The following ARRDC1 variants were observed in gnomAD, a reference collection of about 807,000 sequenced individuals.
The protein encoded by ARRDC1 is arrestin domain-containing protein 1.
A neutral mutation model predicts 40.1 loss-of-function variants in ARRDC1; 37 were observed. The observed-to-expected ratio is 0.92, with a 90% CI of 0.71 to 1.21. The LOEUF is 1.21. Ranked by LOEUF, ARRDC1 falls within the 50% of genes most tolerant of loss-of-function variation. The probability of loss-of-function intolerance (pLI) is 0.00; values close to 1 mark genes in which losing one functional copy is unlikely to be tolerated. For missense variants in ARRDC1, 641 were observed against 581.9 expected (o/e 1.10, Z -1.04); for synonymous variants, 310 against 262.5 (o/e 1.18, Z -1.75).
intron 1 of ARRDC1, among the ~76,000 whole-genome samples, chr9:137,609,163 C>T (rs907975663): frequency 3.3e-5 from 5 of 152,164 alleles, no homozygotes; most frequent in Admixed American, 6.5e-5. Flanking sequence ...GCCAGAACCT[C>T]GTACTTGTCT....
At chr9:137,606,264 C>T (rs1006046552) in intron 1 of ARRDC1, among the ~76,000 whole-genome samples, 10 of 152,164 alleles carry the variant, frequency 6.6e-5, no homozygotes, top group Non-Finnish European at 1.2e-4. Flanking sequence ...CCTGCGCCCC[C>T]TGCCACCCGC....
At chr9:137,607,061 C>T (rs1283293936) in intron 1 of ARRDC1, among the ~76,000 whole-genome samples, 2 of 152,182 alleles carry the variant, frequency 1.3e-5, no homozygotes, top group African/African-American at 2.4e-5. Context: ...GGCAGCTGGC[C>T]CAAGAGCCGA....
Position 137,614,280 on chromosome 9 carries a change from C to A in ARRDC1, c.619-19C>A. ...TGGGCTGGCAGCCTGCGCAGGCTCA[C>A]AGGCTGGTCCTTCCCCAGAAAGTGT... is the stretch of plus-strand genomic sequence containing the variant. On this transcript the variant is annotated intron_variant, in intron 5 of 7. Transcript: ENST00000371421. 6.3e-7 allele frequency: 1 copy of A among 1,581,356 alleles called. No individual in the cohort carries two copies.
intron 1 of ARRDC1, among the ~76,000 whole-genome samples, chr9:137,610,879 T>G (rs1489131444): frequency 2.6e-5 from 4 of 151,986 alleles, no homozygotes; most frequent in Non-Finnish European, 4.4e-5. Context: ...GTATTTTTAG[T>G]AGAGATGGGG....
In ARRDC1 at chr9:137,612,954, G is replaced by A. The variant is rs758727145; in HGVS notation, c.177G>A (p.Ala59=). ...CGVSNKANDT[A]WVVEEGYFNS... ...TCTCCAACAAGGCTAATGACACAGC[G>A]TGGGTAGTGGAGGAGGGTTACTTCA... The change falls in exon 2 of 8, where the codon GCG becomes GCA. Residue 59 remains alanine, a synonymous_variant. Transcript: ENST00000371421. 1.2e-5 allele frequency: 19 copies of A among 1,614,124 alleles called. No individual in the cohort carries two copies. The highest frequency in any genetic ancestry group is 6.7e-5 in the East Asian group (3 of 44,900).
rs929513021 is a variant in ARRDC1, at chr9:137,614,164, G to C, written c.568G>C (p.Glu190Gln). Residue 190 changes from glutamate to glutamine, a missense_variant, in exon 5 of 8, where the codon GAG becomes CAG. Glu to Gln is a conservative substitution (Grantham distance 29). Transcript: ENST00000371421. ...GQALQLHADV[E>Q]NQSGKDTSPV... ...GGCACTGCAGCTGCATGCCGACGTT[G>C]AGAACCAGTCAGGCAAGGACACCAG... 1 of 1,612,088 alleles carries C rather than the reference G, an allele frequency of 6.2e-7. No individual in the cohort carries two copies. Among genetic ancestry groups the C allele is most frequent in the Non-Finnish European group, 8.5e-7 (1 of 1,178,808 alleles).
Position 137,614,695 on chromosome 9 carries a change from C to T in ARRDC1, c.932C>T (p.Ala311Val). The T allele has an allele frequency of 6.2e-7, 1 of 1,611,574 alleles. No individual in the cohort carries two copies. The highest frequency in any genetic ancestry group is 8.5e-7 in the Non-Finnish European group (1 of 1,179,538). ...GCCCCACCCCTGGTGGTGCCTTCCG[C>T]ACCACCCCAGGAGGAGGCTGAGGCT... ...PGAPPLVVPSAPPQEEAEAEA... is the reference protein window; with the variant it reads ...PGAPPLVVPSVPPQEEAEAEA... The change falls in exon 7 of 8, where the codon GCA (alanine) becomes GTA (valine). Residue 311 changes from alanine to valine, a missense_variant. Transcript: ENST00000371421.
At chr9:137,612,665 A>C in intron 1 of ARRDC1, 2 of 479,158 alleles carry the variant, frequency 4.2e-6, no homozygotes, top group Non-Finnish European at 3.7e-6. Flanking sequence ...ATTGCAGGGC[A>C]GACGTCGTTT....
rs759772722 is a variant in ARRDC1 at position 137,613,085 on chromosome 9, C to T, written c.229+79C>T. 1.6e-5 allele frequency: 18 copies of T among 1,100,446 alleles called. 1 individual carries two copies. Among genetic ancestry groups the T allele is most frequent in the Non-Finnish European group, 2.3e-5 (17 of 732,500 alleles). 68.2% of individuals were successfully genotyped at this position (1,100,446 alleles called of 1,614,324 possible). On this transcript the variant is annotated intron_variant, in intron 2 of 7. Transcript: ENST00000371421. ...TGGGGCCTGTCTGTCCTGTCCTCCC[C>T]CTTTCCTAGATCTGCCTCTTGGATC...
rs764765207 is a variant in ARRDC1, at chr9:137,614,309, A to G, written c.629A>G (p.Tyr210Cys). Residue 210 changes from tyrosine to cysteine, a missense_variant, in exon 6 of 8, where the codon TAT (tyrosine) becomes TGT (cysteine). Transcript: ENST00000371421. ...CTGGTCCTTCCCCAGAAAGTGTCCTATAAGGCCAAGCGCTGGATCCACGAC... is the reference window on the plus strand; with the variant it reads ...CTGGTCCTTCCCCAGAAAGTGTCCTGTAAGGCCAAGCGCTGGATCCACGAC... The part of the protein sequence containing the change: ...VVASLLQKVS[Y>C]KAKRWIHDVR... 4.4e-6 allele frequency: 7 copies of G among 1,599,002 alleles called. No homozygotes were observed. The highest frequency in any genetic ancestry group is 1.1e-5 in the South Asian group (1 of 88,800).
In ARRDC1 at chr9:137,614,383, C is replaced by T. The variant is rs371706149; in HGVS notation, c.703C>T (p.Arg235Trp). Residue 235 changes from arginine (R) to tryptophan (W), a missense_variant, in exon 6 of 8, where the codon CGG becomes TGG. Arg to Trp is a moderately radical substitution (Grantham distance 101). Transcript: ENST00000371421. The stretch of plus-strand genomic sequence containing the variant: ...GGGTGCGGGCGTCAAGGCCTGGCGG[C>T]GGGCGCAGTGGCACGAGCAGATCCT... The part of the protein sequence containing the change: ...VEGAGVKAWR[R>W]AQWHEQILVP... The T allele has an allele frequency of 8.1e-6, 13 of 1,612,984 alleles. No individual in the cohort carries two copies. The highest frequency in any genetic ancestry group is 5.0e-5 in the Admixed American group (3 of 59,980).
chr9:137,614,217 C>G lies in ARRDC1; in HGVS notation c.618+3C>G, dbSNP rs1237960387. ...CTGTGGTGGCCAGTCTGCTGCAGGT[C>G]AGAGCCCCCGCCAGTTGCCTGGACC... is the stretch of plus-strand genomic sequence containing the variant. On this transcript the variant is annotated splice_donor_region_variant and intron_variant, in intron 5 of 7. Transcript: ENST00000371421. 1.3e-6 allele frequency: 2 copies of G among 1,587,952 alleles called. No individual in the cohort carries two copies. The highest frequency in any genetic ancestry group is 2.3e-5 in the South Asian group (2 of 88,106).
rs767629622 is a variant in ARRDC1 at position 137,614,645 on chromosome 9, G to T, written c.882G>T (p.Arg294=). The change falls in exon 7 of 8, where the codon CGG becomes CGT. Residue 294 remains arginine (R), a synonymous_variant. Coordinates refer to ENST00000371421, the MANE Select transcript of ARRDC1 (RefSeq NM_152285.4). ...IAVNHAPVSP[R]PGLGLPPGAP... ...TGAACCATGCCCCAGTGAGCCCCCG[G>T]CCAGGCCTGGGGCTGCCTCCTGGGG... The T allele has an allele frequency of 6.2e-7, 1 of 1,612,768 alleles. No homozygotes were observed. The highest frequency in any genetic ancestry group is 8.5e-7 in the Non-Finnish European group (1 of 1,179,840).
At chr9:137,613,340 T>C in intron 2 of ARRDC1, 120 bp from the exon 3 acceptor site, 1 of 1,145,068 alleles carries the variant, frequency 8.7e-7, no homozygotes, top group Admixed American at 2.0e-5. Context: ...CGCTGGTGAC[T>C]GAGACAGGGA....
chr9:137,614,286 G>A lies in ARRDC1; in HGVS notation c.619-13G>A. On this transcript the variant is annotated splice_polypyrimidine_tract_variant and intron_variant, in intron 5 of 7. Coordinates refer to ENST00000371421, the MANE Select transcript of ARRDC1 (RefSeq NM_152285.4). ...GGCAGCCTGCGCAGGCTCACAGGCT[G>A]GTCCTTCCCCAGAAAGTGTCCTATA... 6.3e-7 allele frequency: 1 copy of A among 1,584,680 alleles called. No individual in the cohort carries two copies. Among genetic ancestry groups the A allele is most frequent in the Admixed American group, 1.7e-5 (1 of 57,914 alleles).
rs76318189 is a variant in ARRDC1 at position 137,613,029 on chromosome 9, G to A, written c.229+23G>A. 2.4e-3 allele frequency: 3,829 copies of A among 1,574,578 alleles called. 82 individuals carry two copies. In the African/African-American group the frequency reaches 0.044, roughly 18 times the overall value. On this transcript the variant is annotated intron_variant, in intron 2 of 7. Transcript: ENST00000371421. Reference sequence around the variant, plus strand: ...AGGGTAAGTTTGGGAGCCAGTTCCCGAGTGGTGACCCCTGGGGGCAGCCCT... The same window carrying A: ...AGGGTAAGTTTGGGAGCCAGTTCCCAAGTGGTGACCCCTGGGGGCAGCCCT...
rs745797008 is a variant in ARRDC1 at position 137,614,091 on chromosome 9, C to T, written c.495C>T (p.Ser165=). Residue 165 remains serine (S), a synonymous_variant, in exon 5 of 8, where the codon AGC becomes AGT. Transcript: ENST00000371421. ...KFSYKLVKTG[S]VVLTASTDLR... is the part of the protein sequence containing the mutation. ...CCTACAAGCTGGTGAAGACGGGCAG[C>T]GTGGTCCTCACAGCCAGCACTGATC... 1.2e-5 allele frequency: 20 copies of T among 1,613,732 alleles called. No homozygotes were observed. Among genetic ancestry groups the T allele is most frequent in the South Asian group, 4.4e-5 (4 of 91,078 alleles).
At chr9:137,612,285 TC>T in intron 1 of ARRDC1, 1 of 153,902 alleles carries the variant, frequency 6.5e-6, no homozygotes, top group Non-Finnish European at 1.4e-5. Context: ...GTCTGGGCAC[TC>T]CCCCAGGGAG....
Position 137,614,271 on chromosome 9 carries a change from G to A in ARRDC1, c.619-28G>A, listed in dbSNP as rs375187096. ...CTCCTGGGGTGGGCTGGCAGCCTGC[G>A]CAGGCTCACAGGCTGGTCCTTCCCC... is the stretch of plus-strand genomic sequence containing the variant. On this transcript the variant is annotated intron_variant, in intron 5 of 7. Transcript: ENST00000371421. 78 of 1,579,312 alleles carry A rather than the reference G, an allele frequency of 4.9e-5. No individual in the cohort carries two copies. In the East Asian group the frequency reaches 9.4e-4, roughly 19 times the overall value.
Sources: gnomAD v4.1 joint callset for allele counts (sites outside exome capture counted in the v4.1 genomes callset) on GRCh38, gnomAD v4.1.1 for gene constraint, MANE v1.5 for transcripts, NCBI Gene and HGNC (gene_info 2026-07-23, HGNC 2026-07-21) for gene names.